TFEC: variants seen among roughly 807,000 people sequenced by gnomAD.
TFEC encodes class E basic helix-loop-helix protein 34.
TFEC carries 31 observed loss-of-function variants against 41.6 expected under a neutral mutation model. The observed-to-expected ratio is 0.74, with a 90% CI of 0.56 to 1.01. The LOEUF (loss-of-function observed/expected upper bound fraction) is 1.01, where lower values mean the gene tolerates loss of function less well. TFEC is among the 50% of genes least tolerant of loss of function. The pLI, the probability that TFEC is intolerant of heterozygous loss-of-function variation, is 0.00. For synonymous variants in TFEC, 143 were observed against 140.6 expected (o/e 1.02, Z -0.12); for missense variants, 402 against 404.1 (o/e 0.99, Z 0.04).
chr7:116,075,789 C>T (rs1452914245), intron 3 of TFEC, among the ~76,000 whole-genome samples: 1 of 152,176 alleles, frequency 6.6e-6, no homozygotes, highest in African/African-American at 2.4e-5. Context: ...TCTTTCTCTA[C>T]CTGCCCTGGT....
At chr7:115,974,425 TATATATATATATATATATATATATAA>T (rs1246303139) in intron 2 of TFEC, among the ~76,000 whole-genome samples, 169 bp from the exon 3 acceptor site, 599 of 49,070 alleles carry the variant, frequency 0.012, 32 homozygotes, top group African/African-American at 0.032. Context: ...TATATATATA[TATATATATATATATATATATATATAA>T]AAACACAGAT....
Position 115,941,940 on chromosome 7 carries a change from G to C in TFEC, c.616C>G (p.Gln206Glu). 1.2e-6 allele frequency: 2 copies of C among 1,613,172 alleles called. No individual in the cohort carries two copies. The highest frequency in any genetic ancestry group is 1.7e-6 in the Non-Finnish European group (2 of 1,179,448). The change falls in exon 7 of 8, where the codon CAG becomes GAG. Residue 206 changes from glutamine (Q) to glutamate (E), a missense_variant. By Grantham distance (29) the Gln-to-Glu change is conservative. Coordinates refer to ENST00000265440, the MANE Select transcript of TFEC (RefSeq NM_012252.4). ...CTGTTAGCCTGCTCTAATTTCTTCT[G>C]TCTGTGTTCCAATTCTCGGGCTCTC... Reference protein sequence around the residue: ...QQRARELEHRQKKLEQANRRL... With the variant: ...QQRARELEHREKKLEQANRRL...
intron 2 of TFEC, among the ~76,000 whole-genome samples, chr7:115,979,585 T>C (rs1456098519): frequency 6.6e-6 from 1 of 152,168 alleles, no homozygotes; most frequent in Non-Finnish European, 1.5e-5. Context: ...CGTTCTAAGT[T>C]CTTTTTTGAG....
intron 3 of TFEC, among the ~76,000 whole-genome samples, chr7:116,076,291 A>G (rs1260702794): frequency 1.3e-5 from 2 of 152,126 alleles, no homozygotes; most frequent in Non-Finnish European, 1.5e-5. Context: ...TGAGTACCAG[A>G]TTTCCCTCTG....
Position 116,047,960 on chromosome 7 carries a change from T to C in TFEC, c.198+62748A>G, listed in dbSNP as rs1343183962. Among the ~76,000 whole-genome samples the C allele has an allele frequency of 2.0e-5, 3 of 152,090 alleles. No homozygotes were observed. In the South Asian group the frequency reaches 6.2e-4, roughly 32 times the overall value. On this transcript the variant is annotated intron_variant, in intron 3 of 8. Coordinates refer to the TFEC transcript ENST00000484212. The stretch of plus-strand genomic sequence containing the variant: ...GGAAAAATAACAAACAGAAAGGACA[T>C]CCGCACCAAAACCCCATCAGTACAT...
In TFEC at chr7:116,060,388, T is replaced by C. The variant is rs1796525432; in HGVS notation, c.198+50320A>G. ...TATATACCCAGATGAATATAAACCA[T>C]TCTACCATAAAGACCCACGTATGCA... On this transcript the variant is annotated intron_variant, in intron 3 of 8. Coordinates refer to the TFEC transcript ENST00000484212. Among the ~76,000 whole-genome samples, 3 of 152,098 alleles carry C rather than the reference T, an allele frequency of 2.0e-5. No individual in the cohort carries two copies. The South Asian group carries it at 6.2e-4, about 31-fold the overall frequency.
intron 1 of TFEC, among the ~76,000 whole-genome samples, chr7:116,011,110 G>T (rs1000998896): frequency 1.3e-5 from 2 of 152,122 alleles, no homozygotes; most frequent in Non-Finnish European, 2.9e-5. Flanking sequence ...ATATTCGTAT[G>T]CTTTGCTGCA....
chr7:116,076,502 C>T (rs1796963285), intron 3 of TFEC, among the ~76,000 whole-genome samples: 1 of 151,704 alleles, frequency 6.6e-6, no homozygotes, highest in Non-Finnish European at 1.5e-5. Flanking sequence ...AAAGTGAAGT[C>T]TAACTCAAAA....
intron 1 of TFEC, among the ~76,000 whole-genome samples, chr7:116,116,428 A>G (rs2116159341): frequency 6.6e-6 from 1 of 151,954 alleles, no homozygotes; most frequent in East Asian, 1.9e-4. Flanking sequence ...CTGGCTCAAG[A>G]AAAAAGGAAA....
intron 3 of TFEC, among the ~76,000 whole-genome samples, chr7:115,964,528 G>T (rs886625018): frequency 1.3e-5 from 2 of 151,368 alleles, no homozygotes; most frequent in Non-Finnish European, 3.0e-5. Flanking sequence ...CCACCATCAA[G>T]TTTGATTTCC....
At chr7:116,087,777 C>T (rs1797234710) in intron 3 of TFEC, among the ~76,000 whole-genome samples, 1 of 151,980 alleles carries the variant, frequency 6.6e-6, no homozygotes, top group Non-Finnish European at 1.5e-5. Context: ...AAATTTCCAA[C>T]TTGTAATTAA....
chr7:116,063,128 T>C (rs1482776117), intron 3 of TFEC, among the ~76,000 whole-genome samples: 8 of 152,154 alleles, frequency 5.3e-5, no homozygotes, highest in Admixed American at 5.2e-4. Flanking sequence ...TGCTACAACA[T>C]GGATGGATCT....
intron 1 of TFEC, among the ~76,000 whole-genome samples, chr7:116,133,147 G>C (rs1175535709): frequency 6.6e-6 from 1 of 152,158 alleles, no homozygotes; most frequent in Non-Finnish European, 1.5e-5. Flanking sequence ...GTTACATAAT[G>C]ACAAAGAGTG....
At chr7:116,099,999 T>A (rs1797567823) in intron 3 of TFEC, among the ~76,000 whole-genome samples, 1 of 152,156 alleles carries the variant, frequency 6.6e-6, no homozygotes, top group Admixed American at 6.5e-5. Flanking sequence ...ATTAACAGCA[T>A]CAATGTAGAT....
chr7:116,088,972 A>G (rs1797263585), intron 3 of TFEC, among the ~76,000 whole-genome samples: 1 of 152,060 alleles, frequency 6.6e-6, no homozygotes, highest in Non-Finnish European at 1.5e-5. Context: ...AACTTTATGC[A>G]AACTTGGACA....
chr7:116,081,921 A>C (rs541206491), intron 3 of TFEC, among the ~76,000 whole-genome samples: 2 of 152,044 alleles, frequency 1.3e-5, no homozygotes, highest in East Asian at 1.9e-4. Flanking sequence ...CACACTTTTA[A>C]ATGCTACCTC....
intron 3 of TFEC, among the ~76,000 whole-genome samples, chr7:116,105,671 T>A (rs1797701727): frequency 6.6e-6 from 1 of 151,890 alleles, no homozygotes; most frequent in South Asian, 2.1e-4. Flanking sequence ...GGAAGGCCAG[T>A]GGCAGTCAGA....
At chr7:116,149,511 G>T (rs1798717144) in intron 1 of TFEC, among the ~76,000 whole-genome samples, 1 of 152,058 alleles carries the variant, frequency 6.6e-6, no homozygotes, top group Non-Finnish European at 1.5e-5. Context: ...TTTATAAGGA[G>T]AATTTCACAA....
At chr7:116,035,009 C>A (rs1309444574), upstream of TFEC, among the ~76,000 whole-genome samples, 1 of 151,568 alleles carries the variant, frequency 6.6e-6, no homozygotes, top group Admixed American at 6.6e-5. Flanking sequence ...TTTCCATAGA[C>A]CCCATGACCT....
Sources: allele counts gnomAD v4.1 joint callset (sites outside exome capture counted in the v4.1 genomes callset), GRCh38; gene constraint gnomAD v4.1.1; transcripts MANE v1.5; gene names NCBI Gene and HGNC (gene_info 2026-07-23, HGNC 2026-07-21).